Variants in PON1 observed in about 807,000 individuals in gnomAD.
PON1 encodes paraoxonase 1, also known as serum paraoxonase/arylesterase 1.
A neutral mutation model predicts 39.2 loss-of-function variants in PON1; 37 were observed. That is an observed-to-expected ratio of 0.94 (90% CI 0.73 to 1.24). PON1 has a LOEUF of 1.24. Ranked by LOEUF, PON1 falls within the 50% of genes most tolerant of loss-of-function variation. PON1 has a pLI of 0.00. For synonymous variants in PON1, 148 were observed against 152.2 expected, an observed-to-expected ratio of 0.97 and a Z score of 0.21; for missense variants, 397 against 413.5, an observed-to-expected ratio of 0.96 and a Z score of 0.35.
intron 4 of PON1, 107 bp downstream of exon 4, chr7:95,315,215 A>T (rs1445263217): frequency 1.9e-6 from 2 of 1,047,176 alleles, no homozygotes; most frequent in Admixed American, 2.0e-5. Flanking sequence ...AACATTATTC[A>T]TGACTATGCT....
At chr7:95,320,350 C>T (rs913636551) in intron 1 of PON1, among the ~76,000 whole-genome samples, 3 of 152,180 alleles carry the variant, frequency 2.0e-5, no homozygotes, top group Non-Finnish European at 2.9e-5. Context: ...GCCTGGAAAA[C>T]ATAGAATAAT....
chr7:95,299,833 T>A (rs546228399), intron 8 of PON1, among the ~76,000 whole-genome samples: 1 of 152,266 alleles, frequency 6.6e-6, no homozygotes, highest in East Asian at 1.9e-4. Flanking sequence ...TCCTATTAGT[T>A]CTGTCCCTCT....
At chr7:95,305,698 C>G (rs1228461353) in intron 7 of PON1, among the ~76,000 whole-genome samples, 1 of 152,054 alleles carries the variant, frequency 6.6e-6, no homozygotes, top group Non-Finnish European at 1.5e-5. Flanking sequence ...TCATGGAGAT[C>G]TGGAGGAAGG....
chr7:95,322,326 ATGTATGTG>A (rs201537582), intron 1 of PON1, among the ~76,000 whole-genome samples: 18,744 of 74,948 alleles, frequency 0.25, 1,414 homozygotes, highest in South Asian at 0.3. Context: ...ATATAAATAT[ATGTATGTG>A]TGTGTGTGTG....
chr7:95,310,311 C>A (rs1449255065), intron 5 of PON1, among the ~76,000 whole-genome samples: 2 of 152,216 alleles, frequency 1.3e-5, no homozygotes, highest in African/African-American at 4.8e-5. Flanking sequence ...AGAGAAAGCT[C>A]ATTTATTAGT....
At chr7:95,307,792 T>C (rs1807572066) in intron 6 of PON1, among the ~76,000 whole-genome samples, 1 of 152,174 alleles carries the variant, frequency 6.6e-6, no homozygotes, top group Non-Finnish European at 1.5e-5. Context: ...AAATGTACTT[T>C]CTTTCCAAAA....
intron 8 of PON1, among the ~76,000 whole-genome samples, 179 bp downstream of exon 8, chr7:95,302,026 G>A (rs1055496756): frequency 4.1e-5 from 6 of 147,430 alleles, no homozygotes; most frequent in African/African-American, 1.5e-4. Flanking sequence ...GAACCCGGGA[G>A]GCGGAGCTTG....
At chr7:95,302,103 A>AAAAAAAAAAAAC (rs1807441437) in intron 8 of PON1, 102 bp downstream of exon 8, 1 of 705,130 alleles carries the variant, frequency 1.4e-6, no homozygotes, top group Non-Finnish European at 2.0e-6. Context: ...TCACAAAAAA[A>AAAAAAAAAAAAC]AAAAAAAAAA....
intron 7 of PON1, among the ~76,000 whole-genome samples, chr7:95,303,271 A>AT: frequency 6.6e-6 from 1 of 152,178 alleles, no homozygotes; most frequent in East Asian, 1.9e-4. Flanking sequence ...GGGCTCAAGC[A>AT]TCATGGCAGA....
At chr7:95,318,216 A>C (rs1317323909) in intron 2 of PON1, 107 bp downstream of exon 2, 2 of 936,522 alleles carry the variant, frequency 2.1e-6, no homozygotes, top group African/African-American at 3.2e-5. Flanking sequence ...GACTCTCCTG[A>C]TTCAAAATTT....
intron 5 of PON1, among the ~76,000 whole-genome samples, chr7:95,310,179 G>T (rs1217153964): frequency 6.6e-6 from 1 of 152,112 alleles, no homozygotes; most frequent in Non-Finnish European, 1.5e-5. Context: ...TTAACAATTA[G>T]TCCAGGCCTC....
chr7:95,308,126 C>G lies in PON1; in HGVS notation c.583G>C (p.Glu195Gln), dbSNP rs904066390. 4 of 1,614,046 alleles carry G rather than the reference C, an allele frequency of 2.5e-6. No individual in the cohort carries two copies. The Admixed American group carries it at 6.7e-5, about 27-fold the overall frequency. Residue 195 changes from glutamate to glutamine, a missense_variant, in exon 6 of 9, where the codon GAG becomes CAG. By Grantham distance (29) the Glu-to-Gln change is conservative (BLOSUM62 2). Transcript: ENST00000222381. ...GACCACGCTAAACCCAAATACATCTCCCAGGATTGTAAGTAGGGGTCAAGA... is the reference window on the plus strand; with the variant it reads ...GACCACGCTAAACCCAAATACATCTGCCAGGATTGTAAGTAGGGGTCAAGA... The part of the protein sequence containing the change: ...YFLDPYLQSW[E>Q]MYLGLAWSYV...
intron 8 of PON1, among the ~76,000 whole-genome samples, chr7:95,301,337 G>T (rs889621818): frequency 1.3e-5 from 2 of 152,172 alleles, no homozygotes; most frequent in African/African-American, 4.8e-5. Context: ...CCTGCAGGAA[G>T]ATCTAGAGAG....
intron 1 of PON1, among the ~76,000 whole-genome samples, chr7:95,322,090 A>G (rs1273619791): frequency 6.6e-6 from 1 of 152,104 alleles, no homozygotes; most frequent in Non-Finnish European, 1.5e-5. Context: ...TCAGACTGAG[A>G]AGATGGTGTT....
At chr7:95,314,548 T>C (rs1807724814) in intron 4 of PON1, among the ~76,000 whole-genome samples, 1 of 152,158 alleles carries the variant, frequency 6.6e-6, no homozygotes, top group Admixed American at 6.5e-5. Flanking sequence ...GATCGTCTGA[T>C]GATGAAATGG....
intron 4 of PON1, among the ~76,000 whole-genome samples, chr7:95,312,785 G>T (rs10215036): frequency 5.6e-4 from 78 of 139,026 alleles, no homozygotes; most frequent in Non-Finnish European, 1.1e-4. Context: ...CAGAACTTCC[G>T]GGACATATTC....
rs1049650798 is a variant in PON1, at chr7:95,315,546, T to C, written c.202-56A>G. ...ACAATACCAGTACTTCAAATGCTAA[T>C]AGAGGCGCTGCATGGCCCATGGGTT... On this transcript the variant is annotated intron_variant, in intron 3 of 8. Transcript: ENST00000222381. The C allele has an allele frequency of 4.0e-5, 62 of 1,562,516 alleles. No individual in the cohort carries two copies. The Admixed American group carries it at 8.2e-4, about 21-fold the overall frequency.
At chr7:95,314,217 A>C (rs1282051280) in intron 4 of PON1, among the ~76,000 whole-genome samples, 1 of 152,062 alleles carries the variant, frequency 6.6e-6, no homozygotes, top group South Asian at 2.1e-4. Context: ...AAAATCAGCC[A>C]GGCATGGCGG....
chr7:95,313,547 T>G (rs1472155278), intron 4 of PON1, among the ~76,000 whole-genome samples: 1 of 152,104 alleles, frequency 6.6e-6, no homozygotes, highest in East Asian at 1.9e-4. Flanking sequence ...TAAAAATATT[T>G]TTAAAATAAA....
Sources: gnomAD v4.1 joint callset for allele counts (sites outside exome capture counted in the v4.1 genomes callset) on GRCh38, gnomAD v4.1.1 for gene constraint, MANE v1.5 for transcripts, NCBI Gene and HGNC (gene_info 2026-07-23, HGNC 2026-07-21) for gene names.